CTNNA3: variants seen among roughly 807,000 people sequenced by gnomAD.
CTNNA3 encodes catenin alpha 3.
A neutral mutation model predicts 95.7 loss-of-function variants in CTNNA3; 76 were observed. The observed-to-expected ratio is 0.79, with a 90% confidence interval of 0.66 to 0.96. The LOEUF (loss-of-function observed/expected upper bound fraction) is 0.96. Among genes scored for constraint, CTNNA3 ranks in the 40% least tolerant of loss-of-function variants. CTNNA3 has a pLI of 0.00. For synonymous variants in CTNNA3, 431 were observed against 374.4 expected (o/e 1.15, Z -1.74); for missense variants, 1,191 against 1,089.8 (o/e 1.09, Z -1.31).
chr10:66,297,136 T>C (rs1397340256), intron 12 of CTNNA3, among the ~76,000 whole-genome samples: 1 of 152,108 alleles, frequency 6.6e-6, no homozygotes, highest in Non-Finnish European at 1.5e-5. Context: ...GAACTTACAC[T>C]AGAAAGAGAA....
intron 10 of CTNNA3, among the ~76,000 whole-genome samples, chr10:66,577,946 TC>T (rs1300644050): frequency 6.6e-6 from 1 of 152,038 alleles, no homozygotes; most frequent in African/African-American, 2.4e-5. Context: ...ATTCTTCCTA[TC>T]CATGGAATAG....
intron 5 of CTNNA3, among the ~76,000 whole-genome samples, chr10:67,457,660 G>A (rs1441640161): frequency 6.6e-6 from 1 of 152,116 alleles, no homozygotes; most frequent in Non-Finnish European, 1.5e-5. Context: ...TAAAATCAAG[G>A]TGTCAGTAGG....
intron 5 of CTNNA3, among the ~76,000 whole-genome samples, chr10:67,446,218 C>T (rs1213475332): frequency 6.6e-6 from 1 of 152,142 alleles, no homozygotes; most frequent in Non-Finnish European, 1.5e-5. Flanking sequence ...CTTCTAACAT[C>T]TAAACCCTTC....
At chr10:67,691,786 A>C in intron 1 of CTNNA3, among the ~76,000 whole-genome samples, 1 of 139,650 alleles carries the variant, frequency 7.2e-6, no homozygotes, top group African/African-American at 2.7e-5. Flanking sequence ...CCGCCTGGCC[A>C]GCCGCCCCGT....
At position 67,503,510 on chromosome 10, in the gene CTNNA3, C is replaced by G. The variant is rs116928395; in HGVS notation, c.579+18332G>C. 3.6e-3 allele frequency among the ~76,000 whole-genome samples: 542 copies of G among 152,146 alleles called. 2 individuals are homozygous for G. The highest frequency in any genetic ancestry group is 6.8e-3 in the Middle Eastern group (2 of 294). On this transcript the variant is annotated intron_variant, in intron 5 of 17. Transcript: ENST00000433211. Reference sequence around the variant, plus strand: ...TTTAATGGTTTTCACAATAAATAAGCCTTAATGCCAGATATCTTAAAAATA... The same window carrying G: ...TTTAATGGTTTTCACAATAAATAAGGCTTAATGCCAGATATCTTAAAAATA...
intron 10 of CTNNA3, among the ~76,000 whole-genome samples, chr10:66,612,167 G>A (rs980439467): frequency 4.0e-5 from 6 of 151,898 alleles, no homozygotes; most frequent in Non-Finnish European, 8.8e-5. Flanking sequence ...TTCAGTTTCT[G>A]ATCAATTTAT....
At chr10:67,664,193 A>G (rs1301870556) in intron 1 of CTNNA3, among the ~76,000 whole-genome samples, 2 of 152,158 alleles carry the variant, frequency 1.3e-5, no homozygotes, top group Admixed American at 1.3e-4. Flanking sequence ...TGTCTTGATC[A>G]TGTCTGTTCT....
At chr10:66,971,232 C>G (rs930375169) in intron 7 of CTNNA3, among the ~76,000 whole-genome samples, 1 of 152,028 alleles carries the variant, frequency 6.6e-6, no homozygotes, top group Admixed American at 6.6e-5. Context: ...TCAAGACCAG[C>G]CTGACCAACA....
chr10:66,103,102 GGCACA>G, intron 14 of CTNNA3, 50 bp downstream of exon 14: 1 of 1,417,652 alleles, frequency 7.1e-7, no homozygotes, highest in Non-Finnish European at 1.0e-6. Context: ...ACAAAGGGAG[GGCACA>G]GCCTTCAGTG....
chr10:66,153,848 T>TACACAC (rs148457020), intron 13 of CTNNA3, among the ~76,000 whole-genome samples: 13,194 of 148,984 alleles, frequency 0.089, 717 homozygotes, highest in South Asian at 0.29. Flanking sequence ...ATAATTTGTT[T>TACACAC]ACACACACAC....
intron 11 of CTNNA3, among the ~76,000 whole-genome samples, chr10:66,518,912 C>T (rs899910404): frequency 2.0e-5 from 3 of 151,690 alleles, no homozygotes; most frequent in Non-Finnish European, 4.4e-5. Context: ...TTCATTTTCA[C>T]TAATGTATCA....
At chr10:66,785,627 C>T (rs576046531) in intron 7 of CTNNA3, among the ~76,000 whole-genome samples, 55 of 152,134 alleles carry the variant, frequency 3.6e-4, no homozygotes, top group Non-Finnish European at 7.5e-4. Flanking sequence ...CCATTGGCTC[C>T]CCTGGTTCTC....
intron 7 of CTNNA3, among the ~76,000 whole-genome samples, chr10:67,115,095 C>T (rs1225815361): frequency 4.6e-5 from 7 of 152,260 alleles, no homozygotes; most frequent in Admixed American, 4.6e-4. Context: ...ACTTTGGTCC[C>T]TACACACCAC....
intron 9 of CTNNA3, among the ~76,000 whole-genome samples, chr10:66,741,917 T>A (rs911419343): frequency 2.0e-5 from 3 of 152,128 alleles, no homozygotes; most frequent in African/African-American, 7.2e-5. Context: ...AGGATGTATG[T>A]CGCCTCAGGA....
rs763257801 is a variant in CTNNA3 at position 67,539,564 on chromosome 10, G to A, written c.398C>T (p.Thr133Met). 7 of 1,613,784 alleles carry A rather than the reference G, an allele frequency of 4.3e-6. No individual in the cohort carries two copies. Among genetic ancestry groups the A allele is most frequent in the South Asian group, 2.2e-5 (2 of 91,082 alleles). The change falls in exon 4 of 18, where the codon ACG (threonine) becomes ATG (methionine). Residue 133 changes from threonine (T) to methionine (M), a missense_variant. Physicochemically the swap from Thr to Met is moderately conservative, Grantham distance 81. Coordinates refer to ENST00000433211, the MANE Select transcript of CTNNA3 (RefSeq NM_013266.4). ...QAARALLAAV[T>M]RLLILADMID... Reference sequence around the variant, plus strand: ...CATGTCCGCAAGGATAAGGAGTCTCGTCACCGCAGCCAGCAAGGCACGGGC... The same window carrying A: ...CATGTCCGCAAGGATAAGGAGTCTCATCACCGCAGCCAGCAAGGCACGGGC...
intron 7 of CTNNA3, among the ~76,000 whole-genome samples, chr10:67,012,741 G>T (rs1207565888): frequency 6.6e-6 from 1 of 151,920 alleles, no homozygotes; most frequent in Admixed American, 6.6e-5. Context: ...GGTGGTTTTG[G>T]ATATACACTT....
chr10:66,517,751 T>C (rs756923931), intron 11 of CTNNA3, among the ~76,000 whole-genome samples: 3 of 152,094 alleles, frequency 2.0e-5, no homozygotes, highest in African/African-American at 7.2e-5. Context: ...CCCAATTTTT[T>C]CTTGCACAAG....
intron 11 of CTNNA3, among the ~76,000 whole-genome samples, chr10:66,491,979 A>T (rs997972295): frequency 2.0e-5 from 3 of 151,924 alleles, no homozygotes; most frequent in Non-Finnish European, 2.9e-5. Flanking sequence ...AATGTTTCCT[A>T]ATCAATCCAC....
chr10:67,735,290 A>G (rs1841296843), intron 1 of CTNNA3, among the ~76,000 whole-genome samples: 1 of 152,104 alleles, frequency 6.6e-6, no homozygotes, highest in African/African-American at 2.4e-5. Flanking sequence ...AAGATGATGA[A>G]ATAAGAATCT....
Sources: allele counts gnomAD v4.1 joint callset (sites outside exome capture counted in the v4.1 genomes callset), GRCh38; gene constraint gnomAD v4.1.1; transcripts MANE v1.5; gene names NCBI Gene and HGNC (gene_info 2026-07-23, HGNC 2026-07-21).